KANSL1L: variants seen among roughly 807,000 people sequenced by gnomAD.
KANSL1L encodes the protein KAT8 regulatory NSL complex subunit 1-like protein.
A neutral mutation model predicts 108.6 loss-of-function variants in KANSL1L; 25 were observed. That is an observed-to-expected ratio of 0.23 (90% confidence interval 0.17 to 0.32). The LOEUF is 0.32. Ranked by LOEUF, KANSL1L falls within the 10% of genes least tolerant of loss-of-function variation. The pLI, the probability that KANSL1L is intolerant of heterozygous loss-of-function variation, is 1.00. For synonymous variants in KANSL1L, 405 were observed against 395.1 expected, an observed-to-expected ratio of 1.03 and a Z score of -0.30; for missense variants, 1,137 against 1,125.7, an observed-to-expected ratio of 1.01 and a Z score of -0.14.
chr2:210,105,383 A>C (rs889848235), intron 3 of KANSL1L, among the ~76,000 whole-genome samples: 1 of 147,732 alleles, frequency 6.8e-6, no homozygotes, highest in African/African-American at 2.5e-5. Flanking sequence ...AAATATATAT[A>C]TATATATTTG....
intron 3 of KANSL1L, among the ~76,000 whole-genome samples, chr2:210,108,348 G>A (rs2094870778): frequency 6.6e-6 from 1 of 152,130 alleles, no homozygotes; most frequent in Non-Finnish European, 1.5e-5. Context: ...GGTCATATAA[G>A]TTATTACAGG....
At chr2:210,029,709 G>C (rs780717159) in intron 10 of KANSL1L, 94 bp downstream of exon 10, 28 of 607,912 alleles carry the variant, frequency 4.6e-5, no homozygotes, top group Non-Finnish European at 6.1e-5. Context: ...GTGCTAGTAA[G>C]GCTGTTATAG....
chr2:210,136,925 G>A (rs1246483121), intron 2 of KANSL1L, among the ~76,000 whole-genome samples: 1 of 152,066 alleles, frequency 6.6e-6, no homozygotes, highest in Non-Finnish European at 1.5e-5. Context: ...AAAATAGTTA[G>A]ACTTATTGTG....
At chr2:210,069,266 T>G (rs2094489635) in intron 6 of KANSL1L, among the ~76,000 whole-genome samples, 1 of 152,208 alleles carries the variant, frequency 6.6e-6, no homozygotes, top group African/African-American at 2.4e-5. Context: ...CTTCTGAAAC[T>G]TCACTGAAGG....
chr2:210,104,145 G>A lies in KANSL1L; in HGVS notation c.1387C>T (p.Pro463Ser). ...PVPEQDFEMSPSSPTLLLRNI... is the reference protein window; with the variant it reads ...PVPEQDFEMSSSSPTLLLRNI... Reference sequence around the variant, plus strand: ...CGAAGAAGTAAAGTAGGGCTGCTTGGTGACATTTCAAAATCTTGTTCCGGT... The same window carrying A: ...CGAAGAAGTAAAGTAGGGCTGCTTGATGACATTTCAAAATCTTGTTCCGGT... The change falls in exon 4 of 15, where the codon CCA becomes TCA. Residue 463 changes from proline to serine, a missense_variant. Transcript: ENST00000281772. The A allele has an allele frequency of 6.2e-7, 1 of 1,613,920 alleles. No individual in the cohort carries two copies. The highest frequency in any genetic ancestry group is 8.5e-7 in the Non-Finnish European group (1 of 1,179,888).
At chr2:210,076,421 A>C (rs2094542668) in intron 5 of KANSL1L, among the ~76,000 whole-genome samples, 1 of 152,144 alleles carries the variant, frequency 6.6e-6, no homozygotes, top group African/African-American at 2.4e-5. Flanking sequence ...TCCTGACCTC[A>C]GGTGATCCGC....
At chr2:210,088,420 G>A (rs1432948705) in intron 5 of KANSL1L, 1 of 152,246 alleles carries the variant, frequency 6.6e-6, no homozygotes, top group Non-Finnish European at 1.5e-5. Flanking sequence ...TGCATAAAAG[G>A]AAATACTCAC....
chr2:210,124,291 A>T (rs573890853), intron 3 of KANSL1L, among the ~76,000 whole-genome samples: 9 of 152,174 alleles, frequency 5.9e-5, no homozygotes, highest in Non-Finnish European at 1.3e-4. Context: ...AAAAAGAAAG[A>T]TATAAAAATT....
chr2:210,152,241 T>A (rs1221323410), intron 2 of KANSL1L: 3 of 152,202 alleles, frequency 2.0e-5, no homozygotes, highest in African/African-American at 7.2e-5. Context: ...TCACATCAAT[T>A]TGGGGACAGT....
intron 8 of KANSL1L, among the ~76,000 whole-genome samples, chr2:210,034,735 T>C (rs919884509): frequency 1.3e-5 from 2 of 152,190 alleles, no homozygotes; most frequent in Non-Finnish European, 1.5e-5. Context: ...AACTTGGCAA[T>C]TGGTTTAGAC....
At chr2:210,170,890 A>C in intron 1 of KANSL1L, among the ~76,000 whole-genome samples, 1 of 138,632 alleles carries the variant, frequency 7.2e-6, no homozygotes, top group South Asian at 2.5e-4. Context: ...CCCTCCCTAG[A>C]CCCCTTCCCT....
chr2:210,080,594 C>G lies in KANSL1L; in HGVS notation c.1551-4838G>C, dbSNP rs2094581647. Among the ~76,000 whole-genome samples, 3 of 152,132 alleles carry G rather than the reference C, an allele frequency of 2.0e-5. No individual in the cohort carries two copies. In the South Asian group the frequency reaches 6.2e-4, roughly 31 times the overall value. On this transcript the variant is annotated intron_variant, in intron 5 of 14. Coordinates refer to ENST00000281772, the MANE Select transcript of KANSL1L (RefSeq NM_152519.4). ...CTTGCTCCCCGCTTGAGCTAAATAC[C>G]TAACTCTTGAAGCCACTTGCTATGT...
chr2:210,073,152 C>G (rs767459598), intron 6 of KANSL1L, among the ~76,000 whole-genome samples: 34 of 152,052 alleles, frequency 2.2e-4, no homozygotes, highest in Non-Finnish European at 4.0e-4. Context: ...TTTTTTTAAA[C>G]ACTTCCTTGC....
intron 6 of KANSL1L, among the ~76,000 whole-genome samples, chr2:210,059,955 T>G (rs1240294193): frequency 6.6e-6 from 1 of 152,048 alleles, no homozygotes; most frequent in Non-Finnish European, 1.5e-5. Context: ...GTTAGCCAGG[T>G]TGGTCTCGAA....
At position 210,153,983 on chromosome 2, in the gene KANSL1L, A is replaced by G; in HGVS notation, c.600T>C (p.Ile200=). The G allele has an allele frequency of 6.2e-7, 1 of 1,613,794 alleles. No homozygotes were observed. Among genetic ancestry groups the G allele is most frequent in the Non-Finnish European group, 8.5e-7 (1 of 1,180,022 alleles). The part of the protein sequence containing the change: ...KGLLHCTQKK[I]VPGHSNVPVS... ...CAGGCACATTTGAGTGGCCAGGTAC[A>G]ATTTTCTTTTGAGTACAGTGCAATA... is the stretch of plus-strand genomic sequence containing the variant. The change falls in exon 2 of 15, where the codon ATT becomes ATC. Residue 200 remains isoleucine, a synonymous_variant. Coordinates refer to ENST00000281772, the MANE Select transcript of KANSL1L (RefSeq NM_152519.4).
intron 3 of KANSL1L, among the ~76,000 whole-genome samples, chr2:210,115,981 T>C (rs369389202): frequency 6.6e-6 from 1 of 152,188 alleles, no homozygotes; most frequent in Non-Finnish European, 1.5e-5. Flanking sequence ...AAAAGTCAGA[T>C]TGGTTACCAG....
intron 3 of KANSL1L, among the ~76,000 whole-genome samples, chr2:210,117,138 T>A (rs76305849): frequency 0.014 from 2,204 of 152,112 alleles, 63 homozygotes; most frequent in African/African-American, 0.051. Context: ...AACAGCAGGA[T>A]TAATCAAAAA....
chr2:210,120,343 G>A (rs1266578150), intron 3 of KANSL1L, among the ~76,000 whole-genome samples: 1 of 152,150 alleles, frequency 6.6e-6, no homozygotes, highest in Non-Finnish European at 1.5e-5. Flanking sequence ...AGTGAGCGGA[G>A]ATCACGCCAC....
chr2:210,074,087 G>C lies in KANSL1L; in HGVS notation c.1755+1465C>G, dbSNP rs575431671. On this transcript the variant is annotated intron_variant, in intron 6 of 14. Transcript: ENST00000281772. ...ACAATATATATACCATTCTGGGCAT[G>C]TCAAGGAAGGCTTCCTGAGAGAAAT... 1.1e-3 allele frequency among the ~76,000 whole-genome samples: 174 copies of C among 152,258 alleles called. 4 individuals are homozygous for C. Among genetic ancestry groups the C allele is most frequent in the Non-Finnish European group, 8.8e-5 (6 of 68,026 alleles).
Sources: allele counts gnomAD v4.1 joint callset (sites outside exome capture counted in the v4.1 genomes callset), GRCh38; gene constraint gnomAD v4.1.1; transcripts MANE v1.5; gene names NCBI Gene and HGNC (gene_info 2026-07-23, HGNC 2026-07-21).